C20orf96: variants seen among roughly 807,000 people sequenced by gnomAD.
C20orf96 encodes the protein uncharacterized protein C20orf96.
In C20orf96, 57 loss-of-function variants were observed where a neutral mutation model predicts 52.6. The ratio of observed to expected loss-of-function variants is 1.08; its 90% CI spans 0.88 to 1.35. The LOEUF (loss-of-function observed/expected upper bound fraction) is 1.35. Ranked by LOEUF, C20orf96 falls within the 40% of genes most tolerant of loss-of-function variation. The pLI is 0.00. For missense variants in C20orf96, 478 were observed against 443.6 expected (o/e 1.08, Z -0.70); for synonymous variants, 168 against 157.2 (o/e 1.07, Z -0.51).
At chr20:285,101 C>A (rs2012350247) in intron 3 of C20orf96, among the ~76,000 whole-genome samples, 1 of 152,198 alleles carries the variant, frequency 6.6e-6, no homozygotes, top group South Asian at 2.1e-4. Flanking sequence ...AGTTGTTACT[C>A]TTACTTCTAG....
chr20:273,717 A>G (rs940376972), intron 10 of C20orf96, among the ~76,000 whole-genome samples: 4 of 152,020 alleles, frequency 2.6e-5, no homozygotes, highest in African/African-American at 9.7e-5. Context: ...TTCTACTAAA[A>G]AACATAAAAA....
intron 10 of C20orf96, among the ~76,000 whole-genome samples, chr20:272,708 C>A (rs1418993706): frequency 6.6e-6 from 1 of 152,102 alleles, no homozygotes; most frequent in African/African-American, 2.4e-5. Flanking sequence ...CCCGCCCCAG[C>A]CTTCCCAATC....
chr20:284,203 T>A, intron 3 of C20orf96, 122 bp from the exon 4 acceptor site: 1 of 705,376 alleles, frequency 1.4e-6, no homozygotes, highest in Non-Finnish European at 2.5e-6. Context: ...TCTGACTGCC[T>A]TATAATGTGA....
At position 290,644 on chromosome 20, in the gene C20orf96, A is replaced by G; in HGVS notation, c.-34T>C. The G allele has an allele frequency of 6.2e-7, 1 of 1,607,118 alleles. No homozygotes were observed. Among genetic ancestry groups the G allele is most frequent in the Non-Finnish European group, 8.5e-7 (1 of 1,178,752 alleles). On this transcript the variant is annotated 5_prime_UTR_variant, in exon 1 of 11. Transcript: ENST00000360321. ...ATGGAAGAGAAGTTGCGAGTCTGTG[A>G]GACCCTGATCTTCTGGTATAACTAC...
In C20orf96 at chr20:290,686, C is replaced by T. The variant is rs2012524292; in HGVS notation, c.-76G>A. 6.3e-7 allele frequency: 1 copy of T among 1,583,824 alleles called. No homozygotes were observed. Among genetic ancestry groups the T allele is most frequent in the South Asian group, 1.1e-5 (1 of 89,750 alleles). ...TATAACTACTCGGCTTTTCCAACTT[C>T]CTTGTCTCAGTGTAGATCGCGCGGT... On this transcript the variant is annotated 5_prime_UTR_variant, in exon 1 of 11. Transcript: ENST00000360321.
At chr20:271,703 A>C (rs1482354776) in intron 10 of C20orf96, among the ~76,000 whole-genome samples, 1 of 152,162 alleles carries the variant, frequency 6.6e-6, no homozygotes, top group Non-Finnish European at 1.5e-5. Flanking sequence ...GTTGGCACTT[A>C]AGTGAAAAGC....
At position 290,729 on chromosome 20, in the gene C20orf96, A is replaced by C; in HGVS notation, c.-119T>G. 1 of 1,231,596 alleles carries C rather than the reference A, an allele frequency of 8.1e-7. No homozygotes were observed. The highest frequency in any genetic ancestry group is 1.2e-6 in the Non-Finnish European group (1 of 862,960). The allele number at this position is 1,231,596 out of a possible 1,614,324, so 76.3% of individuals were successfully genotyped here. ...CGCGCGGTAACCCAGGCCACTCAGA[A>C]GTCCCGAGACCCGATGCTTTCGCCA... On this transcript the variant is annotated 5_prime_UTR_variant, in exon 1 of 11. Coordinates refer to ENST00000360321, the MANE Select transcript of C20orf96 (RefSeq NM_153269.3).
At chr20:279,880 G>C (rs6075623) in intron 4 of C20orf96, among the ~76,000 whole-genome samples, 69,908 of 151,792 alleles carry the variant, frequency 0.46, 16,601 homozygotes, top group African/African-American at 0.58. Context: ...TGAGGCAGGA[G>C]AATCGCTTGA....
chr20:272,593 C>T (rs916083231), intron 10 of C20orf96, among the ~76,000 whole-genome samples: 2 of 152,222 alleles, frequency 1.3e-5, no homozygotes, highest in Non-Finnish European at 1.5e-5. Flanking sequence ...CAGCCTCAAG[C>T]GATCCTTCTT....
chr20:271,089 G>C lies in C20orf96; in HGVS notation c.*118C>G. The C allele has an allele frequency of 1.2e-6, 1 of 805,870 alleles. No homozygotes were observed. Among genetic ancestry groups the C allele is most frequent in the South Asian group, 1.6e-5 (1 of 64,018 alleles). 49.9% of individuals were successfully genotyped at this position (805,870 alleles called of 1,614,324 possible). A position where few individuals can be genotyped will look rare whatever the true frequency, so the allele number is the denominator to read the frequency against. On this transcript the variant is annotated 3_prime_UTR_variant, in exon 11 of 11. Transcript: ENST00000360321. The stretch of plus-strand genomic sequence containing the variant: ...AAAGAAAGAGGGAGGAAGGGCAGAG[G>C]GAGCAGGGAGACTGTAGATCAGGGT...
intron 5 of C20orf96, among the ~76,000 whole-genome samples, chr20:278,676 G>A (rs919808887): frequency 1.3e-5 from 2 of 151,264 alleles, no homozygotes; most frequent in Admixed American, 6.6e-5. Context: ...GACCTCTGTC[G>A]CACCGGTACA....
intron 4 of C20orf96, among the ~76,000 whole-genome samples, chr20:281,931 C>T (rs1016559668): frequency 3.3e-5 from 5 of 152,162 alleles, no homozygotes; most frequent in African/African-American, 1.2e-4. Context: ...CATGCCACTG[C>T]GCTCCAGCCT....
chr20:290,509 G>A lies in C20orf96; in HGVS notation c.20+82C>T, dbSNP rs1282568443. ...AAGACCGAGGGCGACCTCGAGGCGAGGGCGGGACAGCGGCGGGGTGTGAAG... is the reference window on the plus strand; with the variant it reads ...AAGACCGAGGGCGACCTCGAGGCGAAGGCGGGACAGCGGCGGGGTGTGAAG... On this transcript the variant is annotated intron_variant, in intron 1 of 10. Coordinates refer to ENST00000360321, the MANE Select transcript of C20orf96 (RefSeq NM_153269.3). The A allele has an allele frequency of 9.5e-6, 15 of 1,580,202 alleles. No homozygotes were observed. In the Admixed American group the frequency reaches 1.5e-4, roughly 15 times the overall value.
Position 277,299 on chromosome 20 carries a change from T to C in C20orf96, c.650A>G (p.His217Arg), listed in dbSNP as rs747052756. The change falls in exon 7 of 11, where the codon CAT (histidine) becomes CGT (arginine). Residue 217 changes from histidine to arginine, a missense_variant. Coordinates refer to ENST00000360321, the MANE Select transcript of C20orf96 (RefSeq NM_153269.3). ...EVNFLSTYMD[H>R]EYSIKSVQIS... ...CTGGACAGACTTGATGGAATACTCA[T>C]GGTCCATGTAAGTGCTCAGGAAGTT... 1.9e-6 allele frequency: 3 copies of C among 1,613,798 alleles called. No homozygotes were observed. The highest frequency in any genetic ancestry group is 2.5e-6 in the Non-Finnish European group (3 of 1,179,960).
chr20:279,206 A>C lies in C20orf96; in HGVS notation c.431T>G (p.Val144Gly). 2 of 1,606,742 alleles carry C rather than the reference A, an allele frequency of 1.2e-6. No individual in the cohort carries two copies. The highest frequency in any genetic ancestry group is 1.7e-6 in the Non-Finnish European group (2 of 1,178,040). ...GTCCTGCTGCTGCAGCAGGGCCCGC[A>C]CGTGCAGGGTCGTGCTGTTCTCCAT... ...QEMENSTTLH[V>G]RALLQQQDTL... Residue 144 changes from valine to glycine, a missense_variant, in exon 5 of 11, where the codon GTG becomes GGG. By Grantham distance (109) the Val-to-Gly change is moderately radical (BLOSUM62 -3). Coordinates refer to ENST00000360321, the MANE Select transcript of C20orf96 (RefSeq NM_153269.3).
rs1301529281 is a variant in C20orf96 at position 276,085 on chromosome 20, A to G, written c.914T>C (p.Ile305Thr). The change falls in exon 10 of 11, where the codon ATT (isoleucine) becomes ACT (threonine). Residue 305 changes from isoleucine (I) to threonine (T), a missense_variant and splice_region_variant. Coordinates refer to ENST00000360321, the MANE Select transcript of C20orf96 (RefSeq NM_153269.3). Reference protein sequence around the residue: ...FLKCMQRFREIIDQFEENMPV... With the variant: ...FLKCMQRFRETIDQFEENMPV... ...CATGTTCTCCTCAAACTGGTCAATA[A>G]TCTGAGAGGAAAGGCACAGCAGGGG... 6.2e-6 allele frequency: 10 copies of G among 1,613,910 alleles called. No homozygotes were observed. The highest frequency in any genetic ancestry group is 1.7e-5 in the Admixed American group (1 of 60,020).
At chr20:284,504 G>A (rs1351961568) in intron 3 of C20orf96, among the ~76,000 whole-genome samples, 1 of 152,236 alleles carries the variant, frequency 6.6e-6, no homozygotes, top group East Asian at 1.9e-4. Context: ...GCTGGCAGAA[G>A]GCCTGATGGG....
chr20:283,763 C>G (rs41279014), intron 4 of C20orf96, among the ~76,000 whole-genome samples, 200 bp downstream of exon 4: 11,120 of 152,196 alleles, frequency 0.073, 840 homozygotes, highest in African/African-American at 0.19. Context: ...GGCTGTGTGA[C>G]CTGGTGCATG....
At chr20:275,329 C>T (rs370188662) in intron 10 of C20orf96, among the ~76,000 whole-genome samples, 1 of 150,006 alleles carries the variant, frequency 6.7e-6, no homozygotes, top group African/African-American at 2.5e-5. Flanking sequence ...GGGCGGGGGG[C>T]GGTTTAGAAA....
Sources: gnomAD v4.1 joint callset for allele counts (sites outside exome capture counted in the v4.1 genomes callset) on GRCh38, gnomAD v4.1.1 for gene constraint, MANE v1.5 for transcripts, NCBI Gene and HGNC (gene_info 2026-07-23, HGNC 2026-07-21) for gene names.